RABGAP1: variants seen among roughly 807,000 people sequenced by gnomAD.
The protein encoded by RABGAP1 is RAB GTPase activating protein 1, also known as rab GTPase-activating protein 1.
Under a neutral mutation model 137.6 loss-of-function variants are expected in RABGAP1, and 23 were observed. The observed-to-expected ratio is 0.17, with a 90% CI of 0.12 to 0.24. The LOEUF (loss-of-function observed/expected upper bound fraction) is 0.24. Among genes scored for constraint, RABGAP1 ranks in the 10% least tolerant of loss-of-function variants. The pLI, the probability that RABGAP1 is intolerant of heterozygous loss-of-function variation, is 1.00. For synonymous variants in RABGAP1, 451 were observed against 450.7 expected, an observed-to-expected ratio of 1.00 and a Z score of -0.01; for missense variants, 906 against 1,275.8, an observed-to-expected ratio of 0.71 and a Z score of 4.42.
intron 18 of RABGAP1, 34 bp downstream of exon 18, chr9:123,076,320 AT>A (rs2034508568): frequency 6.3e-7 from 1 of 1,584,958 alleles, no homozygotes; most frequent in African/African-American, 1.3e-5. Flanking sequence ...GTTATCTGTC[AT>A]TCCCTGCTCT....
At chr9:122,992,713 A>T (rs1457816219) in intron 6 of RABGAP1, among the ~76,000 whole-genome samples, 4 of 148,360 alleles carry the variant, frequency 2.7e-5, no homozygotes, top group African/African-American at 7.3e-5. Context: ...GTATAATAAT[A>T]ATTATATATT....
At chr9:123,097,624 T>C in intron 21 of RABGAP1, 117 bp from the exon 22 acceptor site, 2 of 822,870 alleles carry the variant, frequency 2.4e-6, no homozygotes, top group Non-Finnish European at 3.8e-6. Context: ...GGGGATATAA[T>C]TTCCCCTCTC....
Position 123,056,793 on chromosome 9 carries a change from G to A in RABGAP1, c.1795-8555G>A, listed in dbSNP as rs373442707. 5.3e-5 allele frequency among the ~76,000 whole-genome samples: 8 copies of A among 152,110 alleles called. No homozygotes were observed. In the East Asian group the frequency reaches 1.5e-3, roughly 29 times the overall value. On this transcript the variant is annotated intron_variant, in intron 13 of 25. Transcript: ENST00000373647. ...CGCGTTTCAGAGAGCACAGGGTTGG[G>A]GGTAAGGTCACAGATCAACAGGATC...
chr9:123,022,815 A>G (rs1178007811), intron 13 of RABGAP1, among the ~76,000 whole-genome samples: 1 of 152,198 alleles, frequency 6.6e-6, no homozygotes, highest in Non-Finnish European at 1.5e-5. Context: ...TGTCAGTGAT[A>G]GCTAACGTAA....
intron 13 of RABGAP1, chr9:123,034,923 T>C: frequency 6.2e-7 from 1 of 1,613,382 alleles, no homozygotes; most frequent in Non-Finnish European, 8.5e-7. Flanking sequence ...CCATGGCTTC[T>C]CTGGCCTGTA....
chr9:123,031,910 G>T (rs113067634), intron 13 of RABGAP1, among the ~76,000 whole-genome samples: 3 of 152,204 alleles, frequency 2.0e-5, no homozygotes, highest in African/African-American at 7.2e-5. Context: ...CCTAGGCAGA[G>T]AAATTATTTA....
chr9:122,975,764 C>T (rs1308547877), intron 2 of RABGAP1, among the ~76,000 whole-genome samples: 1 of 152,156 alleles, frequency 6.6e-6, no homozygotes. Context: ...CCACACGATA[C>T]AGTGCCTGAA....
chr9:123,052,614 G>T (rs2241083), intron 13 of RABGAP1, among the ~76,000 whole-genome samples: 57,165 of 152,072 alleles, frequency 0.38, 17,910 homozygotes, highest in African/African-American at 0.83. Context: ...CTGAGCACTC[G>T]TCTGAGAAAA....
At chr9:122,942,481 C>G (rs957402718) in intron 1 of RABGAP1, among the ~76,000 whole-genome samples, 34 of 151,850 alleles carry the variant, frequency 2.2e-4, no homozygotes, top group Non-Finnish European at 4.7e-4. Flanking sequence ...ACCAGCCTGT[C>G]CAATATGGTG....
At chr9:123,049,673 T>C (rs1019993687) in intron 13 of RABGAP1, among the ~76,000 whole-genome samples, 1 of 152,252 alleles carries the variant, frequency 6.6e-6, no homozygotes, top group Non-Finnish European at 1.5e-5. Flanking sequence ...ATTTCTGAAC[T>C]GTATACTGTC....
chr9:122,944,891 T>C (rs964922471), intron 1 of RABGAP1, among the ~76,000 whole-genome samples: 5 of 152,048 alleles, frequency 3.3e-5, no homozygotes, highest in African/African-American at 1.2e-4. Context: ...TAATCTTTCT[T>C]AGCAAGACTA....
intron 13 of RABGAP1, among the ~76,000 whole-genome samples, chr9:123,042,586 A>AT (rs1038631475): frequency 4.6e-5 from 7 of 152,252 alleles, no homozygotes; most frequent in Admixed American, 2.6e-4. Flanking sequence ...AAGTATAATA[A>AT]TTTTTTTGTT....
rs149300405 is a variant in RABGAP1 at position 123,020,400 on chromosome 9, C to T, written c.1735C>T (p.Leu579=). The T allele has an allele frequency of 2.5e-6, 4 of 1,607,586 alleles. No individual in the cohort carries two copies. The highest frequency in any genetic ancestry group is 1.7e-5 in the Admixed American group (1 of 59,228). The part of the protein sequence containing the change: ...EALRGEVWQL[L]AGCHNNDHLV... ...TCTTCGAGGAGAAGTCTGGCAGCTG[C>T]TAGCAGGCTGTCATAACAATGACCA... The change falls in exon 13 of 26, where the codon CTA becomes TTA. Residue 579 remains leucine (L), a synonymous_variant. Transcript: ENST00000373647.
chr9:122,998,537 A>G (rs1351294958), intron 9 of RABGAP1, 60 bp from the exon 10 acceptor site: 10 of 1,261,398 alleles, frequency 7.9e-6, no homozygotes, highest in Non-Finnish European at 1.1e-5. Flanking sequence ...ATGGAATCTT[A>G]TGAGCAAATA....
intron 13 of RABGAP1, chr9:123,035,413 C>G: frequency 6.2e-7 from 1 of 1,614,186 alleles, no homozygotes; most frequent in Non-Finnish European, 8.5e-7. Context: ...CCACAGCAAC[C>G]GCTTCGCATC....
At chr9:123,007,942 A>G (rs1379737776) in intron 10 of RABGAP1, among the ~76,000 whole-genome samples, 2 of 149,438 alleles carry the variant, frequency 1.3e-5, no homozygotes, top group African/African-American at 2.4e-5. Context: ...TTTAAATTTT[A>G]TATATAATTT....
Position 123,051,742 on chromosome 9 carries a change from CTATTTTATTTTATTTTATTT to C in RABGAP1, c.1795-13571_1795-13552del, listed in dbSNP as rs66629098. On this transcript the variant is annotated intron_variant, in intron 13 of 25. Transcript: ENST00000373647. ...GTTATAAGAGTCTAGAAGAGAAAAG[CTATTTTATTTTATTTTATTT>C]TATTTTATTTTATTTTATTTTATTT... 4.7e-3 allele frequency among the ~76,000 whole-genome samples: 662 copies of C among 140,204 alleles called. 5 individuals carry two copies. Among genetic ancestry groups the C allele is most frequent in the African/African-American group, 0.015 (573 of 37,726 alleles). The allele number at this position is 140,204 out of a possible 152,430, so 92.0% of individuals were successfully genotyped here. A position where few individuals can be genotyped will look rare whatever the true frequency, so the allele number is the denominator to read the frequency against.
At chr9:122,992,350 A>G (rs1425730066) in intron 6 of RABGAP1, among the ~76,000 whole-genome samples, 1 of 151,976 alleles carries the variant, frequency 6.6e-6, no homozygotes, top group African/African-American at 2.4e-5. Context: ...TTTTTTCTTT[A>G]TTGAAAATAT....
At chr9:123,077,740 C>A (rs2034568325) in intron 19 of RABGAP1, among the ~76,000 whole-genome samples, 1 of 151,234 alleles carries the variant, frequency 6.6e-6, no homozygotes. Context: ...CTCTTGTTAC[C>A]CAGGCTGGAG....
Sources: allele counts gnomAD v4.1 joint callset (sites outside exome capture counted in the v4.1 genomes callset), GRCh38; gene constraint gnomAD v4.1.1; transcripts MANE v1.5; gene names NCBI Gene and HGNC (gene_info 2026-07-23, HGNC 2026-07-21).